Variants in XKR6 observed in about 807,000 individuals in gnomAD.
XKR6 encodes XK-related protein 6.
Under a neutral mutation model 56.7 loss-of-function variants are expected in XKR6, and 22 were observed. The observed-to-expected ratio is 0.39, with a 90% CI of 0.28 to 0.55. The LOEUF (loss-of-function observed/expected upper bound fraction) is 0.55. Among genes scored for constraint, XKR6 ranks in the 20% least tolerant of loss-of-function variants. The pLI is 0.66. For missense variants in XKR6, 852 were observed against 889.0 expected (o/e 0.96, Z 0.53); for synonymous variants, 524 against 387.8 (o/e 1.35, Z -4.13).
intron 1 of XKR6, among the ~76,000 whole-genome samples, chr8:10,996,944 G>C (rs747523582): frequency 2.0e-5 from 3 of 152,046 alleles, no homozygotes; most frequent in African/African-American, 7.2e-5. Flanking sequence ...ACTCCAGCCT[G>C]GGCAATAGAG....
chr8:10,949,781 C>A (rs1470784787), intron 1 of XKR6, among the ~76,000 whole-genome samples: 1 of 152,216 alleles, frequency 6.6e-6, no homozygotes, highest in Admixed American at 6.5e-5. Context: ...GAGGAGGGAA[C>A]TCCTAGCCCA....
intron 1 of XKR6, among the ~76,000 whole-genome samples, chr8:11,185,108 CG>C (rs1412128660): frequency 6.6e-6 from 1 of 152,022 alleles, no homozygotes; most frequent in Non-Finnish European, 1.5e-5. Context: ...GACATGGGTG[CG>C]GGTGTGAGTG....
chr8:11,128,848 T>G (rs1272444604), intron 1 of XKR6: 1 of 456,890 alleles, frequency 2.2e-6, no homozygotes. Flanking sequence ...CCACCTCCAC[T>G]GTCACCATCT....
chr8:10,949,233 G>A (rs767737443), intron 1 of XKR6, among the ~76,000 whole-genome samples: 5 of 152,230 alleles, frequency 3.3e-5, no homozygotes, highest in Non-Finnish European at 7.3e-5. Flanking sequence ...GATAAAGAGC[G>A]GAACAACCGT....
At chr8:11,193,247 C>CT (rs1188186219) in intron 1 of XKR6, among the ~76,000 whole-genome samples, 6 of 152,156 alleles carry the variant, frequency 3.9e-5, no homozygotes, top group Admixed American at 6.5e-5. Context: ...CTCATTTAAA[C>CT]TAAGAAGACA....
chr8:11,001,717 G>A (rs1177025199), intron 1 of XKR6, among the ~76,000 whole-genome samples: 4 of 152,222 alleles, frequency 2.6e-5, no homozygotes, highest in Non-Finnish European at 5.9e-5. Context: ...AGCCCCATGT[G>A]TTAATGAGAA....
At chr8:10,976,529 C>A (rs145176572) in intron 1 of XKR6, among the ~76,000 whole-genome samples, 1 of 152,162 alleles carries the variant, frequency 6.6e-6, no homozygotes, top group Non-Finnish European at 1.5e-5. Context: ...TCCCTGTGCA[C>A]GGAGGCCTGC....
chr8:11,010,460 T>C (rs1798474355), intron 1 of XKR6, among the ~76,000 whole-genome samples: 1 of 152,196 alleles, frequency 6.6e-6, no homozygotes, highest in Non-Finnish European at 1.5e-5. Flanking sequence ...GTTTATAAAA[T>C]GAGACAACAG....
At chr8:11,147,767 A>G (rs796260173) in intron 1 of XKR6, among the ~76,000 whole-genome samples, 11 of 152,296 alleles carry the variant, frequency 7.2e-5, no homozygotes, top group African/African-American at 2.6e-4. Context: ...CACCTAATAG[A>G]AAGGCTGGAA....
At chr8:10,928,489 A>G (rs1418678514) in intron 1 of XKR6, among the ~76,000 whole-genome samples, 2 of 152,194 alleles carry the variant, frequency 1.3e-5, no homozygotes, top group East Asian at 3.9e-4. Flanking sequence ...CTCCCTCGGG[A>G]TCTCAGTTTC....
chr8:10,899,881 C>A (rs537995107), intron 2 of XKR6, among the ~76,000 whole-genome samples: 1 of 152,306 alleles, frequency 6.6e-6, no homozygotes, highest in East Asian at 1.9e-4. Flanking sequence ...TTGATATTTG[C>A]AAGTAAACCA....
intron 1 of XKR6, among the ~76,000 whole-genome samples, chr8:11,130,953 G>A (rs147414843): frequency 1.0e-3 from 156 of 152,188 alleles, no homozygotes; most frequent in African/African-American, 3.7e-3. Flanking sequence ...CTAATTCTGA[G>A]CAGAAGACCA....
intron 1 of XKR6, among the ~76,000 whole-genome samples, chr8:11,114,248 T>C (rs906307484): frequency 6.6e-6 from 1 of 152,140 alleles, no homozygotes; most frequent in Non-Finnish European, 1.5e-5. Flanking sequence ...TTGAATGGAG[T>C]GGTGCCCGTC....
intron 1 of XKR6, among the ~76,000 whole-genome samples, chr8:10,960,499 A>T (rs915095520): frequency 6.6e-6 from 1 of 152,206 alleles, no homozygotes; most frequent in Non-Finnish European, 1.5e-5. Context: ...GAATATTCAC[A>T]CGCCTCCACA....
chr8:10,965,629 G>A (rs1159553367), intron 1 of XKR6, among the ~76,000 whole-genome samples: 2 of 152,232 alleles, frequency 1.3e-5, no homozygotes, highest in Non-Finnish European at 2.9e-5. Flanking sequence ...CAAACAGCTC[G>A]CTTGAGACTT....
At chr8:10,960,368 T>C (rs1421359696) in intron 1 of XKR6, among the ~76,000 whole-genome samples, 1 of 152,186 alleles carries the variant, frequency 6.6e-6, no homozygotes, top group African/African-American at 2.4e-5. Flanking sequence ...TCAGGCACGG[T>C]CATAGCGTTA....
At chr8:11,048,141 C>G (rs188642443) in intron 1 of XKR6, among the ~76,000 whole-genome samples, 1 of 152,312 alleles carries the variant, frequency 6.6e-6, no homozygotes, top group African/African-American at 2.4e-5. Context: ...GCCAGAAAGC[C>G]ACCTGTTGAG....
At chr8:11,185,270 G>T (rs373169224) in intron 1 of XKR6, among the ~76,000 whole-genome samples, 2 of 152,150 alleles carry the variant, frequency 1.3e-5, no homozygotes, top group Non-Finnish European at 2.9e-5. Context: ...TTAAATATAG[G>T]TATGGCTCAC....
At chr8:11,073,595 T>A (rs1277680424) in intron 1 of XKR6, among the ~76,000 whole-genome samples, 1 of 152,228 alleles carries the variant, frequency 6.6e-6, no homozygotes, top group African/African-American at 2.4e-5. Flanking sequence ...TGAATTAAAC[T>A]GATGAAAATC....
Sources: allele counts gnomAD v4.1 joint callset (sites outside exome capture counted in the v4.1 genomes callset), GRCh38; gene constraint gnomAD v4.1.1; transcripts MANE v1.5; gene names NCBI Gene and HGNC (gene_info 2026-07-23, HGNC 2026-07-21).